The following PODXL2 variants were observed in gnomAD, a reference collection of about 807,000 sequenced individuals.
PODXL2 encodes the protein podocalyxin like 2.
PODXL2 carries 17 observed loss-of-function variants against 53.4 expected under a neutral mutation model. That is an observed-to-expected ratio of 0.32 (90% CI 0.22 to 0.48). PODXL2 has a LOEUF of 0.48. PODXL2 is among the 20% of genes least tolerant of loss of function. PODXL2 has a pLI of 0.99. For synonymous variants in PODXL2, 311 were observed against 306.7 expected, an observed-to-expected ratio of 1.01 and a Z score of -0.15; for missense variants, 673 against 760.0, an observed-to-expected ratio of 0.89 and a Z score of 1.35.
chr3:127,662,377 G>A (rs2074773487), intron 4 of PODXL2, 66 bp downstream of exon 4: 1 of 1,285,970 alleles, frequency 7.8e-7, no homozygotes. Context: ...GTGGGGCAGA[G>A]GGCAGGCTGG....
At chr3:127,649,884 C>G (rs2074678172) in intron 2 of PODXL2, among the ~76,000 whole-genome samples, 1 of 152,218 alleles carries the variant, frequency 6.6e-6, no homozygotes, top group South Asian at 2.1e-4. Context: ...CTGCAGTGAG[C>G]CCAGATCACA....
chr3:127,663,143 G>A (rs1576434525), intron 4 of PODXL2, among the ~76,000 whole-genome samples: 1 of 152,132 alleles, frequency 6.6e-6, no homozygotes, highest in East Asian at 1.9e-4. Flanking sequence ...TTTCTTGGCT[G>A]TGCAGCACTG....
chr3:127,635,298 A>C (rs2074570856), intron 1 of PODXL2, among the ~76,000 whole-genome samples: 1 of 152,226 alleles, frequency 6.6e-6, no homozygotes, highest in African/African-American at 2.4e-5. Context: ...CTGTTACACT[A>C]TTCCATAATG....
Position 127,672,604 on chromosome 3 carries a change from C to G in PODXL2, c.*124C>G. On this transcript the variant is annotated 3_prime_UTR_variant, in exon 8 of 8. Transcript: ENST00000342480. The stretch of plus-strand genomic sequence containing the variant: ...GCCGCCCCCGCGGCCTGGCCCTCGG[C>G]GCGGGCTCCTTCCCGCTTCCCCCGA... The G allele has an allele frequency of 1.7e-6, 1 of 582,548 alleles. No homozygotes were observed. The highest frequency in any genetic ancestry group is 2.8e-6 in the Non-Finnish European group (1 of 361,890). The allele number at this position is 582,548 out of a possible 1,614,324, so 36.1% of individuals were successfully genotyped here.
chr3:127,631,902 G>C (rs1039414688), intron 1 of PODXL2, among the ~76,000 whole-genome samples: 15 of 152,196 alleles, frequency 9.9e-5, no homozygotes, highest in African/African-American at 3.6e-4. Flanking sequence ...GAAAATACCA[G>C]ATTCCTTTTT....
At chr3:127,658,091 A>G (rs943142370) in intron 2 of PODXL2, among the ~76,000 whole-genome samples, 4 of 152,178 alleles carry the variant, frequency 2.6e-5, no homozygotes, top group African/African-American at 4.8e-5. Context: ...TGACTTCACT[A>G]CAGAGTGTGT....
chr3:127,646,877 G>T (rs1296504901), intron 2 of PODXL2, among the ~76,000 whole-genome samples: 2 of 152,176 alleles, frequency 1.3e-5, no homozygotes, highest in African/African-American at 4.8e-5. Context: ...GATGCCCTGG[G>T]CCTGGCTTCT....
rs1456663610 is a variant in PODXL2, at chr3:127,629,233, T to TGCGGGCCGCCCGGCTGCC, written c.17_34dup (p.Arg6_Pro11dup). 4.1e-5 allele frequency: 41 copies of TGCGGGCCGCCCGGCTGCC among 995,810 alleles called. No homozygotes were observed. The South Asian group carries it at 1.9e-3, about 45-fold the overall frequency. The allele number at this position is 995,810 out of a possible 1,614,324, so 61.7% of individuals were successfully genotyped here. A position where few individuals can be genotyped will look rare whatever the true frequency, so the allele number is the denominator to read the frequency against. ...GACGGCTACACCATGGGCCGGCTGC[T>TGCGGGCCGCCCGGCTGCC]GCGGGCCGCCCGGCTGCCGCCGCTG... On this transcript the variant is annotated inframe_insertion, in exon 1 of 8. Transcript: ENST00000342480. This position sits in a 1 kb window ranked among gnomAD's most constrained non-coding sequence, Gnocchi z 6.4.
intron 1 of PODXL2, among the ~76,000 whole-genome samples, chr3:127,635,895 C>T (rs1239957768): frequency 6.6e-6 from 1 of 152,220 alleles, no homozygotes; most frequent in East Asian, 1.9e-4. Context: ...TGTTTATCAC[C>T]TTTGCTGGTC....
chr3:127,637,817 T>C (rs2074586456), intron 1 of PODXL2, among the ~76,000 whole-genome samples: 1 of 152,180 alleles, frequency 6.6e-6, no homozygotes, highest in Non-Finnish European at 1.5e-5. Flanking sequence ...GACTCCCTCA[T>C]ACGGAGACTC....
rs141498326 is a variant in PODXL2, at chr3:127,641,037, G to A, written c.349+1514G>A. Among the ~76,000 whole-genome samples the A allele has an allele frequency of 3.6e-3, 549 of 151,768 alleles. 2 individuals carry two copies. Among genetic ancestry groups the A allele is most frequent in the African/African-American group, 0.013 (525 of 41,352 alleles). The stretch of plus-strand genomic sequence containing the variant: ...AAGTGATTCTCCTGCCTCAGCCTCC[G>A]AGTAGCTGGGATTACAGGCATGCGC... On this transcript the variant is annotated intron_variant, in intron 2 of 7. Transcript: ENST00000342480.
chr3:127,662,167 C>T (rs766768361), intron 3 of PODXL2, 70 bp from the exon 4 acceptor site: 115 of 1,371,144 alleles, frequency 8.4e-5, no homozygotes, highest in Admixed American at 3.4e-4. Context: ...GGCCTCCGAC[C>T]GGGGCTCTCT....
At chr3:127,648,028 T>C (rs993417318) in intron 2 of PODXL2, among the ~76,000 whole-genome samples, 1 of 151,908 alleles carries the variant, frequency 6.6e-6, no homozygotes, top group African/African-American at 2.4e-5. Flanking sequence ...TCATTTTCAC[T>C]TGGATTTTTT....
chr3:127,671,373 C>A, intron 6 of PODXL2, 61 bp from the exon 7 acceptor site: 1 of 1,533,596 alleles, frequency 6.5e-7, no homozygotes, highest in Non-Finnish European at 9.0e-7. Context: ...ATGCAACCAC[C>A]CCAGAGGAGC....
At chr3:127,634,306 TC>T (rs2074564583) in intron 1 of PODXL2, among the ~76,000 whole-genome samples, 1 of 151,960 alleles carries the variant, frequency 6.6e-6, no homozygotes, top group African/African-American at 2.4e-5. Flanking sequence ...ATGCCTGTAA[TC>T]CCTGCTACTC....
intron 1 of PODXL2, among the ~76,000 whole-genome samples, chr3:127,634,819 A>G (rs920346632): frequency 6.6e-6 from 1 of 152,202 alleles, no homozygotes; most frequent in Non-Finnish European, 1.5e-5. Flanking sequence ...AGTCACACCT[A>G]CTGTGTCAGA....
At chr3:127,641,382 A>T (rs1368398501) in intron 2 of PODXL2, among the ~76,000 whole-genome samples, 5 of 145,614 alleles carry the variant, frequency 3.4e-5, no homozygotes, top group African/African-American at 1.3e-4. Context: ...TAATTTTTTC[A>T]TTTTTTTGTA....
At position 127,629,933 on chromosome 3, in the gene PODXL2, C is replaced by A. The variant is rs569129000; in HGVS notation, c.70+644C>A. Among the ~76,000 whole-genome samples, 1 of 152,182 alleles carries A rather than the reference C, an allele frequency of 6.6e-6. No homozygotes were observed. Among genetic ancestry groups the A allele is most frequent in the South Asian group, 2.1e-4 (1 of 4,820 alleles). On this transcript the variant is annotated intron_variant, in intron 1 of 7. Transcript: ENST00000342480. The surrounding 1 kb of genome is among the most constrained non-coding windows in gnomAD (Gnocchi z 6.4). ...CACGGCGGGAGGCTCCCACGCAGCTCACACACGAGGGAGGTGTGAGACTCA... is the reference window on the plus strand; with the variant it reads ...CACGGCGGGAGGCTCCCACGCAGCTAACACACGAGGGAGGTGTGAGACTCA...
At chr3:127,655,050 C>T (rs1576431830) in intron 2 of PODXL2, among the ~76,000 whole-genome samples, 1 of 152,176 alleles carries the variant, frequency 6.6e-6, no homozygotes. Flanking sequence ...TCAAGCGACT[C>T]TCATGCCTCA....
Sources: gnomAD v4.1 joint callset for allele counts (sites outside exome capture counted in the v4.1 genomes callset) on GRCh38, gnomAD v4.1.1 for gene constraint, Gnocchi (gnomAD v3.1) non-coding constraint, MANE v1.5 for transcripts, NCBI Gene and HGNC (gene_info 2026-07-23, HGNC 2026-07-21) for gene names.